ESRRB: variants seen among roughly 807,000 people sequenced by gnomAD.
ESRRB encodes the protein steroid hormone receptor ERR2.
In ESRRB, 16 loss-of-function variants were observed where a neutral mutation model predicts 46.0. That is an observed-to-expected ratio of 0.35 (90% CI 0.24 to 0.53). ESRRB has a LOEUF of 0.53. Among genes scored for constraint, ESRRB ranks in the 20% least tolerant of loss-of-function variants. The probability of loss-of-function intolerance (pLI) is 0.93; values close to 1 mark genes in which losing one functional copy is unlikely to be tolerated. For synonymous variants in ESRRB, 246 were observed against 259.6 expected (o/e 0.95, Z 0.50); for missense variants, 488 against 607.4 (o/e 0.80, Z 2.07).
chr14:76,433,961 C>T (rs923710056), intron 1 of ESRRB, among the ~76,000 whole-genome samples: 3 of 123,620 alleles, frequency 2.4e-5, no homozygotes, highest in African/African-American at 9.3e-5. Context: ...CCTGCCTTTA[C>T]ATTTTTTTTT....
intron 2 of ESRRB, among the ~76,000 whole-genome samples, chr14:76,453,862 G>A (rs933214719): frequency 6.6e-5 from 10 of 152,076 alleles, no homozygotes; most frequent in South Asian, 2.1e-4. Context: ...TCCACTGGCC[G>A]TGGCCTCCCA....
chr14:76,379,934 G>A (rs965747854), intron 1 of ESRRB, among the ~76,000 whole-genome samples: 10 of 151,660 alleles, frequency 6.6e-5, no homozygotes, highest in African/African-American at 2.4e-4. Context: ...TTGATTTGGA[G>A]TAATCAATAA....
intron 1 of ESRRB, among the ~76,000 whole-genome samples, chr14:76,415,384 G>A (rs938178150): frequency 6.6e-6 from 1 of 152,072 alleles, no homozygotes; most frequent in East Asian, 1.9e-4. Flanking sequence ...TAGGATGGCC[G>A]GGCACAGTGG....
chr14:76,415,229 G>A (rs1016830958), intron 1 of ESRRB, among the ~76,000 whole-genome samples: 1 of 152,132 alleles, frequency 6.6e-6, no homozygotes, highest in Non-Finnish European at 1.5e-5. Flanking sequence ...GTTGTAGAGG[G>A]GTGACATTTG....
chr14:76,340,111 C>T (rs1261450690), intron 1 of ESRRB, among the ~76,000 whole-genome samples: 1 of 152,082 alleles, frequency 6.6e-6, no homozygotes, highest in Non-Finnish European at 1.5e-5. Context: ...GTGGGGAGCC[C>T]AGGAGGCCGG....
rs945918858 is a variant in ESRRB at position 76,462,533 on chromosome 14, G to A, written c.461-12G>A. 20 of 1,608,546 alleles carry A rather than the reference G, an allele frequency of 1.2e-5. No individual in the cohort carries two copies. The highest frequency in any genetic ancestry group is 4.0e-5 in the African/African-American group (3 of 74,828). On this transcript the variant is annotated splice_polypyrimidine_tract_variant and intron_variant, in intron 2 of 6. Coordinates refer to ENST00000644823, the MANE Select transcript of ESRRB (RefSeq NM_001379180.1). ...GCCAGCACCCGGCAACCCTCTCTGT[G>A]TCTGGTTGCAGGGAACATTGAGTAC...
intron 3 of ESRRB, among the ~76,000 whole-genome samples, chr14:76,468,963 C>T (rs1889242996): frequency 2.0e-5 from 3 of 152,150 alleles, no homozygotes; most frequent in Admixed American, 6.5e-5. Context: ...CACAAACCTA[C>T]CAGTTTGTGC....
At chr14:76,420,431 C>T (rs1886890505) in intron 1 of ESRRB, among the ~76,000 whole-genome samples, 1 of 152,166 alleles carries the variant, frequency 6.6e-6, no homozygotes, top group African/African-American at 2.4e-5. Flanking sequence ...AGAAGACACT[C>T]GTGCTATTTA....
At chr14:76,325,486 A>T (rs904244629) in intron 1 of ESRRB, among the ~76,000 whole-genome samples, 2 of 152,136 alleles carry the variant, frequency 1.3e-5, no homozygotes, top group African/African-American at 2.4e-5. Flanking sequence ...AGGGAAACTT[A>T]TATTGCTGAA....
At chr14:76,397,130 G>A (rs1885721766) in intron 1 of ESRRB, among the ~76,000 whole-genome samples, 1 of 152,174 alleles carries the variant, frequency 6.6e-6, no homozygotes, top group Admixed American at 6.5e-5. Flanking sequence ...TCCCCTAGTC[G>A]GGACACATCA....
intron 2 of ESRRB, among the ~76,000 whole-genome samples, chr14:76,446,720 C>T (rs1888164269): frequency 6.6e-6 from 1 of 152,144 alleles, no homozygotes. Context: ...CCCTGCAGGT[C>T]TTCTGCAAGG....
intron 2 of ESRRB, among the ~76,000 whole-genome samples, chr14:76,446,952 C>G (rs1449812222): frequency 6.6e-6 from 1 of 152,144 alleles, no homozygotes; most frequent in Non-Finnish European, 1.5e-5. Context: ...ATAACCTTGA[C>G]CCTGTCACCC....
At chr14:76,402,789 C>T (rs907485574) in intron 1 of ESRRB, among the ~76,000 whole-genome samples, 1 of 152,158 alleles carries the variant, frequency 6.6e-6, no homozygotes, top group African/African-American at 2.4e-5. Context: ...CTGCCTCAGC[C>T]TCCTAAGTAG....
chr14:76,471,943 C>T (rs1382493374), intron 3 of ESRRB, among the ~76,000 whole-genome samples: 1 of 152,146 alleles, frequency 6.6e-6, no homozygotes, highest in Non-Finnish European at 1.5e-5. Flanking sequence ...CAATGTCTGC[C>T]ACAGACTAAG....
chr14:76,468,499 A>T (rs1371289974), intron 3 of ESRRB, among the ~76,000 whole-genome samples: 1 of 149,698 alleles, frequency 6.7e-6, no homozygotes, highest in African/African-American at 2.5e-5. Flanking sequence ...AGCCACAATG[A>T]CCTCTGGTTG....
At chr14:76,438,370 T>C (rs570475351) in intron 1 of ESRRB, among the ~76,000 whole-genome samples, 1 of 152,284 alleles carries the variant, frequency 6.6e-6, no homozygotes, top group African/African-American at 2.4e-5. Flanking sequence ...ACTGTTACAT[T>C]GTAGCCATTG....
At chr14:76,356,056 G>C (rs1179383790) in intron 1 of ESRRB, among the ~76,000 whole-genome samples, 1 of 152,212 alleles carries the variant, frequency 6.6e-6, no homozygotes, top group East Asian at 1.9e-4. Context: ...TGGGGAGCTG[G>C]AGGTAGAAGT....
chr14:76,326,190 T>G (rs900798617), intron 1 of ESRRB, among the ~76,000 whole-genome samples: 6 of 152,152 alleles, frequency 3.9e-5, no homozygotes, highest in Non-Finnish European at 4.4e-5. Flanking sequence ...CAAGTGTGTT[T>G]TTAACACTTG....
intron 1 of ESRRB, among the ~76,000 whole-genome samples, chr14:76,400,590 C>A: frequency 6.6e-6 from 1 of 152,146 alleles, no homozygotes; most frequent in East Asian, 1.9e-4. Flanking sequence ...ATAGCGTCAA[C>A]TTTGTATTGG....
Sources: allele counts gnomAD v4.1 joint callset (sites outside exome capture counted in the v4.1 genomes callset), GRCh38; gene constraint gnomAD v4.1.1; transcripts MANE v1.5; gene names NCBI Gene and HGNC (gene_info 2026-07-23, HGNC 2026-07-21).